HS6ST3: variants seen among roughly 807,000 people sequenced by gnomAD.
HS6ST3 encodes heparan-sulfate 6-O-sulfotransferase 3.
HS6ST3 carries 12 observed loss-of-function variants against 36.7 expected under a neutral mutation model. The ratio of observed to expected loss-of-function variants is 0.33; its 90% confidence interval spans 0.21 to 0.53. HS6ST3 has a LOEUF of 0.53. HS6ST3 is among the 20% of genes least tolerant of loss of function. The pLI is 0.95. For missense variants in HS6ST3, 584 were observed against 640.9 expected (o/e 0.91, Z 0.96); for synonymous variants, 240 against 257.5 (o/e 0.93, Z 0.65).
intron 1 of HS6ST3, among the ~76,000 whole-genome samples, chr13:96,787,067 T>G (rs1320344767): frequency 6.6e-6 from 1 of 152,232 alleles, no homozygotes; most frequent in Non-Finnish European, 1.5e-5. Flanking sequence ...TGTTCTGTGT[T>G]ATTAATGAGC....
intron 1 of HS6ST3, among the ~76,000 whole-genome samples, chr13:96,584,351 C>T (rs1430926705): frequency 6.6e-6 from 1 of 152,076 alleles, no homozygotes; most frequent in Non-Finnish European, 1.5e-5. Context: ...ACCATGTTGG[C>T]CAGACTGGTC....
Position 96,811,384 on chromosome 13 carries a change from A to G in HS6ST3, c.708-21106A>G, listed in dbSNP as rs144746216. Among the ~76,000 whole-genome samples the G allele has an allele frequency of 8.6e-3, 1,317 of 152,282 alleles. 64 individuals carry two copies. The highest frequency in any genetic ancestry group is 0.075 in the Admixed American group (1,146 of 15,294). The stretch of plus-strand genomic sequence containing the variant: ...TCAGAATAGCAATTCTTTTTCACCT[A>G]CTTGGCTGGAATGTTAAAGAATCTT... On this transcript the variant is annotated intron_variant, in intron 1 of 1. Transcript: ENST00000376705.
At chr13:96,621,865 C>T (rs1393650603) in intron 1 of HS6ST3, among the ~76,000 whole-genome samples, 1 of 152,064 alleles carries the variant, frequency 6.6e-6, no homozygotes, top group Non-Finnish European at 1.5e-5. Flanking sequence ...GATCACATAC[C>T]AGGGGAATTG....
At chr13:96,526,738 C>T (rs7993683) in intron 1 of HS6ST3, among the ~76,000 whole-genome samples, 2,694 of 152,202 alleles carry the variant, frequency 0.018, 81 homozygotes, top group African/African-American at 0.06. Context: ...TTCTTCATAT[C>T]ATTAGGTATG....
intron 1 of HS6ST3, among the ~76,000 whole-genome samples, chr13:96,372,142 G>T (rs776525334): frequency 6.6e-6 from 1 of 152,042 alleles, no homozygotes; most frequent in Non-Finnish European, 1.5e-5. Flanking sequence ...TCTTGTCAGC[G>T]CTTGTTATCT....
intron 1 of HS6ST3, among the ~76,000 whole-genome samples, chr13:96,162,749 A>C (rs1176753427): frequency 6.6e-6 from 1 of 152,216 alleles, no homozygotes; most frequent in East Asian, 1.9e-4. Context: ...GTTAAGATGA[A>C]AGGCAACACA....
chr13:96,502,310 C>T (rs993760611), intron 1 of HS6ST3, among the ~76,000 whole-genome samples: 7 of 151,242 alleles, frequency 4.6e-5, no homozygotes, highest in African/African-American at 1.7e-4. Flanking sequence ...GTTAGTAAAG[C>T]ACCAGCATGT....
At chr13:96,702,085 T>C (rs914116956) in intron 1 of HS6ST3, among the ~76,000 whole-genome samples, 1 of 152,106 alleles carries the variant, frequency 6.6e-6, no homozygotes, top group Non-Finnish European at 1.5e-5. Flanking sequence ...GGCTGAGAGA[T>C]GATGTGAAAA....
chr13:96,521,377 G>A (rs1436147706), intron 1 of HS6ST3, among the ~76,000 whole-genome samples: 2 of 152,156 alleles, frequency 1.3e-5, no homozygotes, highest in African/African-American at 2.4e-5. Flanking sequence ...AATGAGTTAG[G>A]GAGGATTCCC....
chr13:96,692,398 G>A (rs596713), intron 1 of HS6ST3, among the ~76,000 whole-genome samples: 149,995 of 152,268 alleles, frequency 0.99, 73,915 homozygotes, highest in Middle Eastern at 1. Flanking sequence ...AAAAGTCTGT[G>A]CATGTTCACT....
At chr13:96,732,586 G>C (rs1876184987) in intron 1 of HS6ST3, among the ~76,000 whole-genome samples, 1 of 151,968 alleles carries the variant, frequency 6.6e-6, no homozygotes, top group Admixed American at 6.5e-5. Context: ...GTAGTGTGAT[G>C]CCTTCAGCTT....
chr13:96,480,264 C>T (rs1174577930), intron 1 of HS6ST3, among the ~76,000 whole-genome samples: 3 of 152,102 alleles, frequency 2.0e-5, no homozygotes, highest in Non-Finnish European at 4.4e-5. Flanking sequence ...CAGGTGCCTG[C>T]CACCACACCA....
intron 1 of HS6ST3, among the ~76,000 whole-genome samples, chr13:96,109,306 C>T (rs1027367809): frequency 6.6e-6 from 1 of 152,122 alleles, no homozygotes; most frequent in Non-Finnish European, 1.5e-5. Flanking sequence ...TGTGACTCAG[C>T]AGATCGTATG....
chr13:96,771,488 A>C (rs931090503), intron 1 of HS6ST3, among the ~76,000 whole-genome samples: 11 of 152,214 alleles, frequency 7.2e-5, no homozygotes, highest in African/African-American at 2.2e-4. Flanking sequence ...TAATCATGTA[A>C]TCACTCTACT....
intron 1 of HS6ST3, among the ~76,000 whole-genome samples, chr13:96,736,872 A>T (rs868801015): frequency 6.6e-6 from 1 of 152,228 alleles, no homozygotes; most frequent in Non-Finnish European, 1.5e-5. Context: ...ACAATAAGAA[A>T]ATCAAAACCC....
At chr13:96,794,225 A>G (rs1053455295) in intron 1 of HS6ST3, among the ~76,000 whole-genome samples, 2 of 152,068 alleles carry the variant, frequency 1.3e-5, no homozygotes, top group African/African-American at 2.4e-5. Context: ...TTCATTTTTC[A>G]ATCCCTGATC....
At chr13:96,808,969 A>AGG (rs1358772914) in intron 1 of HS6ST3, among the ~76,000 whole-genome samples, 1 of 152,188 alleles carries the variant, frequency 6.6e-6, no homozygotes, top group African/African-American at 2.4e-5. Flanking sequence ...TGGAAAGTGA[A>AGG]GAGACAAGAA....
chr13:96,287,780 T>C (rs1397452900), intron 1 of HS6ST3, among the ~76,000 whole-genome samples: 1 of 152,156 alleles, frequency 6.6e-6, no homozygotes, highest in African/African-American at 2.4e-5. Flanking sequence ...TCCTTCTTTT[T>C]ATTCTTTAAT....
intron 1 of HS6ST3, among the ~76,000 whole-genome samples, chr13:96,400,641 C>T (rs2055446467): frequency 6.6e-6 from 1 of 151,870 alleles, no homozygotes; most frequent in Non-Finnish European, 1.5e-5. Flanking sequence ...GAAGATGAAG[C>T]CACAGGAGAG....
Sources: allele counts gnomAD v4.1 joint callset (sites outside exome capture counted in the v4.1 genomes callset), GRCh38; gene constraint gnomAD v4.1.1; transcripts MANE v1.5; gene names NCBI Gene and HGNC (gene_info 2026-07-23, HGNC 2026-07-21).